Variants in SSH3 observed in about 807,000 individuals in gnomAD.
The protein encoded by SSH3 is slingshot protein phosphatase 3.
A neutral mutation model predicts 75.0 loss-of-function variants in SSH3; 67 were observed. The ratio of observed to expected loss-of-function variants is 0.89; its 90% confidence interval spans 0.73 to 1.10. The LOEUF is 1.10. Ranked by LOEUF, SSH3 falls within the 50% of genes least tolerant of loss-of-function variation. The probability of loss-of-function intolerance (pLI) is 0.00; values close to 1 mark genes in which losing one functional copy is unlikely to be tolerated. For synonymous variants in SSH3, 318 were observed against 349.2 expected (o/e 0.91, Z 1.00); for missense variants, 824 against 872.7 (o/e 0.94, Z 0.70).
At position 67,307,876 on chromosome 11, in the gene SSH3, G is replaced by C. The variant is rs201934241; in HGVS notation, c.822G>C (p.Ala274=). The C allele has an allele frequency of 6.2e-7, 1 of 1,614,102 alleles. No homozygotes were observed. The highest frequency in any genetic ancestry group is 1.1e-5 in the South Asian group (1 of 91,090). ...GSSEQEQMEQ[A]IRAELWKVLD... is the part of the protein sequence containing the mutation. Reference sequence around the variant, plus strand: ...CAGAACAGGAGCAGATGGAGCAGGCGATCCGTGCTGAGCTGTGGAAAGTGT... The same window carrying C: ...CAGAACAGGAGCAGATGGAGCAGGCCATCCGTGCTGAGCTGTGGAAAGTGT... The change falls in exon 8 of 14, where the codon GCG becomes GCC. Residue 274 remains alanine (A), a synonymous_variant. Transcript: ENST00000308127. The surrounding 1 kb of genome is among the most constrained non-coding windows in gnomAD (Gnocchi z 4.2).
chr11:67,306,948 T>C lies in SSH3; in HGVS notation c.450T>C (p.Asp150=). The change falls in exon 4 of 14, where the codon GAT becomes GAC. Residue 150 remains aspartate (D), a synonymous_variant. Coordinates refer to ENST00000308127, the MANE Select transcript of SSH3 (RefSeq NM_017857.4). Reference sequence around the variant, plus strand: ...ATGAGACGGTCCTCCTGGGCGTGGATTTCCCTGACAGCAGGTTCGAGCAGG... The same window carrying C: ...ATGAGACGGTCCTCCTGGGCGTGGACTTCCCTGACAGCAGGTTCGAGCAGG... ...SQDETVLLGV[D]FPDSSSPSCT... The C allele has an allele frequency of 6.2e-7, 1 of 1,612,634 alleles. No homozygotes were observed.
In SSH3 at chr11:67,307,305, G is replaced by T. The variant is rs1346124225; in HGVS notation, c.537-66G>T. On this transcript the variant is annotated intron_variant, in intron 5 of 13. Coordinates refer to ENST00000308127, the MANE Select transcript of SSH3 (RefSeq NM_017857.4). The surrounding 1 kb of genome is among the most constrained non-coding windows in gnomAD (Gnocchi z 4.2). ...CCTGGGTCTCGGCTTCCCGTATCCA[G>T]CAAAAGGATGGGTTCTCTGTCGCAG... is the stretch of plus-strand genomic sequence containing the variant. 1 of 1,602,240 alleles carries T rather than the reference G, an allele frequency of 6.2e-7. No individual in the cohort carries two copies. Among genetic ancestry groups the T allele is most frequent in the Non-Finnish European group, 8.5e-7 (1 of 1,175,314 alleles).
intron 13 of SSH3, among the ~76,000 whole-genome samples, chr11:67,311,239 C>T (rs1278996065): frequency 6.6e-6 from 1 of 152,162 alleles, no homozygotes; most frequent in Non-Finnish European, 1.5e-5. Flanking sequence ...GGTGCCGGCA[C>T]GGGTTTCACC....
chr11:67,305,152 G>C, intron 3 of SSH3, 145 bp downstream of exon 3: 2 of 726,818 alleles, frequency 2.8e-6, no homozygotes, highest in East Asian at 2.7e-5. Context: ...CCATATCCCA[G>C]TGACCCTGCT....
rs1301503898 is a variant in SSH3 at position 67,307,252 on chromosome 11, A to T, written c.537-119A>T. On this transcript the variant is annotated intron_variant, in intron 5 of 13. Transcript: ENST00000308127. This position sits in a 1 kb window ranked among gnomAD's most constrained non-coding sequence, Gnocchi z 4.2. ...CTGCTCCCAGCTCCACGTCAGATTC[A>T]CCGTGATCCTGAGCAAGGCACCTGA... is the stretch of plus-strand genomic sequence containing the variant. 1 of 1,558,728 alleles carries T rather than the reference A, an allele frequency of 6.4e-7. No homozygotes were observed. Among genetic ancestry groups the T allele is most frequent in the Non-Finnish European group, 8.7e-7 (1 of 1,153,308 alleles).
At chr11:67,305,209 T>C (rs10128564) in intron 3 of SSH3, among the ~76,000 whole-genome samples, 149,530 of 151,622 alleles carry the variant, frequency 0.99, 73,761 homozygotes, top group East Asian at 1. Flanking sequence ...TTTTTTGAGA[T>C]GGAGTCTCGC....
intron 3 of SSH3, 52 bp downstream of exon 3, chr11:67,305,059 G>GGCAGAAT: frequency 6.5e-7 from 1 of 1,535,124 alleles, no homozygotes; most frequent in Non-Finnish European, 8.8e-7. Context: ...CACGCCTGAG[G>GGCAGAAT]GCAGAATGGA....
Position 67,304,874 on chromosome 11 carries a change from C to A in SSH3, c.206C>A (p.Pro69Gln). Reference sequence around the variant, plus strand: ...AGTTCTGAGCCAACAGAGAAGGCCCCGAGTGAGGAGGAGCTCCACGGGGAC... The same window carrying A: ...AGTTCTGAGCCAACAGAGAAGGCCCAGAGTGAGGAGGAGCTCCACGGGGAC... ...EASSEPTEKAPSEEELHGDQT... is the reference protein window; with the variant it reads ...EASSEPTEKAQSEEELHGDQT... Residue 69 changes from proline (P) to glutamine (Q), a missense_variant, in exon 3 of 14, where the codon CCG becomes CAG. Physicochemically the swap from Pro to Gln is moderately conservative, Grantham distance 76 (BLOSUM62 -1). Coordinates refer to ENST00000308127, the MANE Select transcript of SSH3 (RefSeq NM_017857.4). 1.2e-6 allele frequency: 2 copies of A among 1,613,788 alleles called. No homozygotes were observed. The highest frequency in any genetic ancestry group is 1.7e-6 in the Non-Finnish European group (2 of 1,180,012).
At chr11:67,309,740 G>A (rs755821281) in intron 11 of SSH3, 28 bp from the exon 12 acceptor site, 2 of 1,610,032 alleles carry the variant, frequency 1.2e-6, no homozygotes, top group East Asian at 2.2e-5. Context: ...GGTGAGGGGA[G>A]GGTGCTGAAC....
rs917070228 is a variant in SSH3 at position 67,306,879 on chromosome 11, C to T, written c.381C>T (p.Tyr127=). Residue 127 remains tyrosine, a synonymous_variant, in exon 4 of 14, where the codon TAC becomes TAT. Transcript: ENST00000308127. ...CACCCCGGCCTCCCCGGCTCCGCTA[C>T]CTGCTGGTAGTTTCTACACGAGAAG... ...LEAPRPPRLR[Y]LLVVSTREGE... 1.2e-6 allele frequency: 2 copies of T among 1,613,508 alleles called. No homozygotes were observed. The highest frequency in any genetic ancestry group is 1.7e-6 in the Non-Finnish European group (2 of 1,179,576).
intron 13 of SSH3, 36 bp downstream of exon 13, chr11:67,310,375 G>A: frequency 1.9e-6 from 3 of 1,571,570 alleles, no homozygotes; most frequent in Middle Eastern, 1.8e-4. Context: ...GCTTGCAGGG[G>A]TGGGGGCCAT....
Position 67,308,363 on chromosome 11 carries a change from G to A in SSH3, c.1015-49G>A. ...TGGCAGCTGTGAGGGCGGCAGGCCA[G>A]GAGCAGAGGCTGGAGGAGAGGAGAA... On this transcript the variant is annotated intron_variant, in intron 9 of 13. Transcript: ENST00000308127. This position sits in a 1 kb window ranked among gnomAD's most constrained non-coding sequence, Gnocchi z 4.9. The A allele has an allele frequency of 6.2e-7, 1 of 1,613,768 alleles. No individual in the cohort carries two copies.
At chr11:67,309,099 A>G in intron 10 of SSH3, 1 of 390,510 alleles carries the variant, frequency 2.6e-6, no homozygotes, top group Non-Finnish European at 4.8e-6. Flanking sequence ...AGACCCACCC[A>G]CTCTCAGCTT....
chr11:67,305,210 G>A (rs1201499212), intron 3 of SSH3, among the ~76,000 whole-genome samples: 6 of 151,502 alleles, frequency 4.0e-5, no homozygotes, highest in East Asian at 3.9e-4. Flanking sequence ...TTTTTGAGAT[G>A]GAGTCTCGCT....
chr11:67,312,045 C>T lies in SSH3; in HGVS notation c.*158C>T. The T allele has an allele frequency of 1.0e-6, 1 of 971,686 alleles. No individual in the cohort carries two copies. The highest frequency in any genetic ancestry group is 1.5e-6 in the Non-Finnish European group (1 of 676,276). The allele number at this position is 971,686 out of a possible 1,614,324, so 60.2% of individuals were successfully genotyped here. A position where few individuals can be genotyped will look rare whatever the true frequency, so the allele number is the denominator to read the frequency against. On this transcript the variant is annotated 3_prime_UTR_variant, in exon 14 of 14. Transcript: ENST00000308127. ...ACCCCTGTCACTACGGCCTCACCTC[C>T]CACCCCTGTCACTACAGCCTCACCT...
intron 1 of SSH3, 185 bp from the exon 2 acceptor site, chr11:67,303,933 C>T: frequency 1.2e-6 from 1 of 856,950 alleles, no homozygotes; most frequent in Non-Finnish European, 1.7e-6. Flanking sequence ...ACACTCGGCG[C>T]CCACCCAGCC....
intron 3 of SSH3, among the ~76,000 whole-genome samples, chr11:67,306,003 A>G (rs1398321617): frequency 6.6e-6 from 1 of 152,076 alleles, no homozygotes; most frequent in African/African-American, 2.4e-5. Flanking sequence ...CAACAAAAAA[A>G]AACTGGCCGG....
rs1357751585 is a variant in SSH3, at chr11:67,308,170, G to A, written c.886-4G>A. On this transcript the variant is annotated splice_polypyrimidine_tract_variant and splice_region_variant and intron_variant, in intron 8 of 13. Transcript: ENST00000308127. The surrounding 1 kb of genome is among the most constrained non-coding windows in gnomAD (Gnocchi z 4.9). ...GCCTCTCTTGCCCTGGGCTCTGCCT[G>A]CAGATCCGCCAGGCTCTGGAGCTGC... The A allele has an allele frequency of 6.2e-7, 1 of 1,612,342 alleles. No homozygotes were observed. Among genetic ancestry groups the A allele is most frequent in the Non-Finnish European group, 8.5e-7 (1 of 1,179,352 alleles).
Position 67,307,270 on chromosome 11 carries a change from G to A in SSH3, c.537-101G>A. On this transcript the variant is annotated intron_variant, in intron 5 of 13. Transcript: ENST00000308127. This position sits in a 1 kb window ranked among gnomAD's most constrained non-coding sequence, Gnocchi z 4.2. ...CAGATTCACCGTGATCCTGAGCAAG[G>A]CACCTGACTCCTGGGTCTCGGCTTC... The A allele has an allele frequency of 6.4e-7, 1 of 1,570,478 alleles. No homozygotes were observed. The highest frequency in any genetic ancestry group is 8.6e-7 in the Non-Finnish European group (1 of 1,159,740).
Sources: allele counts gnomAD v4.1 joint callset (sites outside exome capture counted in the v4.1 genomes callset), GRCh38; gene constraint gnomAD v4.1.1; non-coding constraint Gnocchi (gnomAD v3.1); transcripts MANE v1.5; gene names NCBI Gene and HGNC (gene_info 2026-07-23, HGNC 2026-07-21).